Variants in NCOR2 observed in about 807,000 individuals in gnomAD.
NCOR2 encodes the protein nuclear receptor corepressor 2.
In NCOR2, 81 loss-of-function variants were observed where a neutral mutation model predicts 262.9. The ratio of observed to expected loss-of-function variants is 0.31; its 90% CI spans 0.26 to 0.37. The LOEUF (loss-of-function observed/expected upper bound fraction) is 0.37, where lower values mean the gene tolerates loss of function less well. Among genes scored for constraint, NCOR2 ranks in the 10% least tolerant of loss-of-function variants. NCOR2 has a pLI of 1.00. For synonymous variants in NCOR2, 1,659 were observed against 1,559.3 expected (o/e 1.06, Z -1.51); for missense variants, 3,385 against 3,621.4 (o/e 0.93, Z 1.68).
intron 1 of NCOR2, among the ~76,000 whole-genome samples, chr12:124,557,122 G>C (rs1425895686): frequency 6.6e-6 from 1 of 152,144 alleles, no homozygotes; most frequent in Non-Finnish European, 1.5e-5. Context: ...GTCCTGCCCT[G>C]GGTTTTCCTG....
exon 15 of NCOR2, chr12:124,400,617 G>C: frequency 6.2e-7 from 1 of 1,614,186 alleles, no homozygotes. Context: ...GCGGCCTTTG[G>C]AGGCCACAGC....
intron 1 of NCOR2, among the ~76,000 whole-genome samples, chr12:124,491,206 T>G (rs74722593): frequency 1.3e-5 from 2 of 152,254 alleles, no homozygotes; most frequent in Non-Finnish European, 2.9e-5. Context: ...AAGCCCAAAG[T>G]GTACCCTTGG....
chr12:124,387,432 G>A (rs1057285135), intron 16 of NCOR2, among the ~76,000 whole-genome samples: 1 of 152,230 alleles, frequency 6.6e-6, no homozygotes, highest in African/African-American at 2.4e-5. Flanking sequence ...CCCATCCCCA[G>A]GAGGGGGAAA....
intron 12 of NCOR2, 73 bp from the exon 15 acceptor site, chr12:124,420,128 T>A (rs1207402868): frequency 1.5e-6 from 2 of 1,290,970 alleles, no homozygotes; most frequent in East Asian, 4.7e-5. Context: ...GGAGCTCACA[T>A]CCTGGGCTCA....
chr12:124,390,946 G>A (rs955749315), intron 16 of NCOR2, among the ~76,000 whole-genome samples: 11 of 152,264 alleles, frequency 7.2e-5, no homozygotes, highest in Admixed American at 2.0e-4. Flanking sequence ...GCAGGGGCCC[G>A]GCGGCCACGG....
In NCOR2 at chr12:124,372,011, C is replaced by T. The variant is rs371181038; in HGVS notation, c.2807+11G>A. The T allele has an allele frequency of 2.5e-5, 40 of 1,574,282 alleles. No individual in the cohort carries two copies. In the African/African-American group the frequency reaches 3.1e-4, roughly 12 times the overall value. On this transcript the variant is annotated intron_variant, in intron 20 of 46. Transcript: ENST00000405201. ...AAAAGCCAAGGTTAGGGCTGCCTGG[C>T]GCCCACTCACCGGTTCTTGTCGCCG...
At position 124,325,377 on chromosome 12, in the gene NCOR2, G is replaced by GCCCCGC. The variant is rs1555297218; in HGVS notation, c.*24_*25insGCGGGG. 15 of 251,134 alleles carry GCCCCGC rather than the reference G, an allele frequency of 6.0e-5. 2 individuals carry two copies. The highest frequency in any genetic ancestry group is 8.4e-5 in the Non-Finnish European group (13 of 154,320). 15.6% of individuals were successfully genotyped at this position (251,134 alleles called of 1,614,324 possible). On this transcript the variant is annotated 3_prime_UTR_variant, in exon 47 of 47. Transcript: ENST00000405201. ...CTGTGGCTCGCTGGGACCTGACACC[G>GCCCCGC]CCCCCCCCCCCGCCCTGTTCTGAGT... is the stretch of plus-strand genomic sequence containing the variant.
chr12:124,337,460 G>A (rs146138051), intron 37 of NCOR2: 7,944 of 641,752 alleles, frequency 0.012, 91 homozygotes, highest in Middle Eastern at 0.029. Flanking sequence ...GTCATAAAAC[G>A]GATGCAAGCA....
intron 4 of NCOR2, among the ~76,000 whole-genome samples, chr12:124,470,777 A>G (rs2046792224): frequency 2.6e-5 from 4 of 152,250 alleles, no homozygotes; most frequent in Admixed American, 2.6e-4. Context: ...ATGCCACTGA[A>G]TTGTGCACTT....
chr12:124,465,514 G>A (rs3782281), intron 5 of NCOR2, among the ~76,000 whole-genome samples: 7,862 of 152,208 alleles, frequency 0.052, 228 homozygotes, highest in East Asian at 0.077. Context: ...GCTGCCCCCA[G>A]TGGGATCTCC....
chr12:124,388,104 C>T (rs1377849895), intron 16 of NCOR2, among the ~76,000 whole-genome samples: 3 of 152,064 alleles, frequency 2.0e-5, no homozygotes, highest in African/African-American at 4.8e-5. Flanking sequence ...GGGGGTCACC[C>T]AGCCCTTCCT....
chr12:124,422,652 G>C (rs879462032), intron 11 of NCOR2, 97 bp from the exon 14 acceptor site: 1 of 1,435,990 alleles, frequency 7.0e-7, no homozygotes. Context: ...CCCACTGGCC[G>C]GGCCTGGCGG....
rs12317001 is a variant in NCOR2, at chr12:124,413,405, C to G, written c.1482+6552G>C. ...GGTAGAGTCTGACAACCCTGGCATACAGTAGGCACTGAATAAATGCCCCCG... is the reference window on the plus strand; with the variant it reads ...GGTAGAGTCTGACAACCCTGGCATAGAGTAGGCACTGAATAAATGCCCCCG... On this transcript the variant is annotated intron_variant, in intron 13 of 46. Transcript: ENST00000405201. Among the ~76,000 whole-genome samples, 981 of 152,342 alleles carry G rather than the reference C, an allele frequency of 6.4e-3. 30 individuals are homozygous for G. The highest frequency in any genetic ancestry group is 0.051 in the Admixed American group (780 of 15,306).
chr12:124,430,705 C>T (rs1439094688), exon 9 of NCOR2: 9 of 1,614,202 alleles, frequency 5.6e-6, no homozygotes, highest in South Asian at 3.3e-5. Flanking sequence ...CTTGGCCCGC[C>T]GCCGGGGGTT....
At chr12:124,464,961 CA>C (rs988604905) in intron 5 of NCOR2, among the ~76,000 whole-genome samples, 1 of 152,178 alleles carries the variant, frequency 6.6e-6, no homozygotes, top group African/African-American at 2.4e-5. Context: ...TCCCAGGCCC[CA>C]AACAGGCTTG....
At chr12:124,335,930 G>A (rs1038940062) in intron 38 of NCOR2, 6 of 412,304 alleles carry the variant, frequency 1.5e-5, no homozygotes, top group South Asian at 4.5e-5. Context: ...GAGGCCGGGC[G>A]AGGCCAGCGT....
intron 12 of NCOR2, 65 bp from the exon 15 acceptor site, chr12:124,420,120 A>ATGTGAGCTCCTG: frequency 1.4e-6 from 2 of 1,383,878 alleles, no homozygotes; most frequent in Non-Finnish European, 2.0e-6. Flanking sequence ...AGGAGCCAGG[A>ATGTGAGCTCCTG]GCTCACATCC....
intron 22 of NCOR2, among the ~76,000 whole-genome samples, chr12:124,361,819 A>AGG (rs1487783782): frequency 1.2e-5 from 1 of 82,270 alleles, no homozygotes; most frequent in African/African-American, 3.5e-5. Context: ...ACCAGGGACC[A>AGG]GGGGGATTTC....
chr12:124,382,709 C>A (rs761266537), intron 17 of NCOR2, among the ~76,000 whole-genome samples: 12 of 152,254 alleles, frequency 7.9e-5, no homozygotes, highest in Non-Finnish European at 1.6e-4. Flanking sequence ...TCTCTGCCCT[C>A]AGGGCAGCTG....
Sources: allele counts gnomAD v4.1 joint callset (sites outside exome capture counted in the v4.1 genomes callset), GRCh38; gene constraint gnomAD v4.1.1; transcripts MANE v1.5; gene names NCBI Gene and HGNC (gene_info 2026-07-23, HGNC 2026-07-21).